The following HEMK1 variants were observed in gnomAD, a reference collection of about 807,000 sequenced individuals.
The protein encoded by HEMK1 is MTRF1L release factor glutamine methyltransferase.
In HEMK1, 36 loss-of-function variants were observed where a neutral mutation model predicts 47.9. That is an observed-to-expected ratio of 0.75 (90% confidence interval 0.58 to 0.99). The LOEUF (loss-of-function observed/expected upper bound fraction) is 0.99. Among genes scored for constraint, HEMK1 ranks in the 50% least tolerant of loss-of-function variants. The pLI is 0.00. For synonymous variants in HEMK1, 153 were observed against 165.4 expected (o/e 0.93, Z 0.57); for missense variants, 383 against 434.5 (o/e 0.88, Z 1.05).
chr3:50,584,687 T>C lies in HEMK1; in HGVS notation c.*4270T>C, dbSNP rs1270815360. The C allele has an allele frequency of 6.6e-6, 1 of 152,222 alleles. No homozygotes were observed. The highest frequency in any genetic ancestry group is 2.4e-5 in the African/African-American group (1 of 41,464). 9.4% of individuals were successfully genotyped at this position (152,222 alleles called of 1,614,324 possible). ...GCCAATACCTTGATTTTAAGCCCTGTGAAACTGATTTCAGATTGCTGACCT... is the reference window on the plus strand; with the variant it reads ...GCCAATACCTTGATTTTAAGCCCTGCGAAACTGATTTCAGATTGCTGACCT... On this transcript the variant is annotated 3_prime_UTR_variant, in exon 11 of 11. Transcript: ENST00000232854.
rs1399253462 is a variant in HEMK1 at position 50,587,750 on chromosome 3, A to G, written c.*7333A>G. The G allele has an allele frequency of 2.0e-5, 3 of 152,280 alleles. No homozygotes were observed. Among genetic ancestry groups the G allele is most frequent in the Non-Finnish European group, 4.4e-5 (3 of 68,082 alleles). The allele number at this position is 152,280 out of a possible 1,614,324, so 9.4% of individuals were successfully genotyped here. On this transcript the variant is annotated 3_prime_UTR_variant, in exon 11 of 11. Transcript: ENST00000232854. This position sits in a 1 kb window ranked among gnomAD's most constrained non-coding sequence, Gnocchi z 4.2. ...GCATTTCTGGGGACCAGGGGCCTAAAGAGCTTTTTGAGCTGAGTTACAGGG... is the reference window on the plus strand; with the variant it reads ...GCATTTCTGGGGACCAGGGGCCTAAGGAGCTTTTTGAGCTGAGTTACAGGG...
intron 4 of HEMK1, 129 bp from the exon 5 acceptor site, chr3:50,576,923 A>G (rs566577173): frequency 1.3e-5 from 14 of 1,119,488 alleles, no homozygotes; most frequent in South Asian, 9.7e-5. Context: ...CCCAGCTGAC[A>G]TGAAGGTCAG....
intron 4 of HEMK1, 122 bp downstream of exon 4, chr3:50,572,330 A>G: frequency 1.0e-6 from 1 of 959,512 alleles, no homozygotes; most frequent in Non-Finnish European, 1.6e-6. Flanking sequence ...GTGCCTTTCT[A>G]GACATGTATT....
chr3:50,574,650 C>T (rs1240457861), intron 4 of HEMK1, among the ~76,000 whole-genome samples: 1 of 152,218 alleles, frequency 6.6e-6, no homozygotes, highest in Non-Finnish European at 1.5e-5. Context: ...GGCCTCACCA[C>T]TGAGACCACA....
intron 4 of HEMK1, among the ~76,000 whole-genome samples, chr3:50,572,946 G>A (rs767204186): frequency 2.6e-5 from 4 of 152,198 alleles, no homozygotes; most frequent in African/African-American, 4.8e-5. Flanking sequence ...GCCAGAGGGC[G>A]CCAGGTTCTG....
rs1296925264 is a variant in HEMK1 at position 50,591,005 on chromosome 3, C to T, written c.*10588C>T. 6.6e-6 allele frequency: 1 copy of T among 152,308 alleles called. No homozygotes were observed. Among genetic ancestry groups the T allele is most frequent in the African/African-American group, 2.4e-5 (1 of 41,456 alleles). The allele number at this position is 152,308 out of a possible 1,614,324, so 9.4% of individuals were successfully genotyped here. A position where few individuals can be genotyped will look rare whatever the true frequency, so the allele number is the denominator to read the frequency against. ...CAGTATCACCCCTCCTTTCTGTCTT[C>T]CTTCCGCTTAGTCACAGCCAAGAGC... On this transcript the variant is annotated 3_prime_UTR_variant, in exon 11 of 11. Transcript: ENST00000232854.
intron 2 of HEMK1, 95 bp downstream of exon 2, chr3:50,571,427 T>A: frequency 1.1e-6 from 1 of 929,572 alleles, no homozygotes; most frequent in Non-Finnish European, 1.6e-6. Context: ...AGTGCTTAGC[T>A]GAGACTGATG....
rs1559465380 is a variant in HEMK1 at position 50,581,928 on chromosome 3, G to C, written c.*1511G>C. 1 of 152,406 alleles carries C rather than the reference G, an allele frequency of 6.6e-6. No homozygotes were observed. Among genetic ancestry groups the C allele is most frequent in the Non-Finnish European group, 1.5e-5 (1 of 68,214 alleles). The allele number at this position is 152,406 out of a possible 1,614,324, so 9.4% of individuals were successfully genotyped here. On this transcript the variant is annotated 3_prime_UTR_variant, in exon 11 of 11. Coordinates refer to ENST00000232854, the MANE Select transcript of HEMK1 (RefSeq NM_016173.5). Reference sequence around the variant, plus strand: ...AAGGAGGCTGCTCCAGAAGGAACCTGGGTGGGGAGGGCGAAGGGGGTGCAC... The same window carrying C: ...AAGGAGGCTGCTCCAGAAGGAACCTCGGTGGGGAGGGCGAAGGGGGTGCAC...
Position 50,586,400 on chromosome 3 carries a change from T to G in HEMK1, c.*5983T>G, listed in dbSNP as rs1251192000. On this transcript the variant is annotated 3_prime_UTR_variant, in exon 11 of 11. Transcript: ENST00000232854. ...TGGAAAGCCCTGAACTGGGCTGACC[T>G]CCACCTGCCCCAGCTATGCCTAAAG... 1 of 152,214 alleles carries G rather than the reference T, an allele frequency of 6.6e-6. No individual in the cohort carries two copies. Among genetic ancestry groups the G allele is most frequent in the Non-Finnish European group, 1.5e-5 (1 of 68,038 alleles). 9.4% of individuals were successfully genotyped at this position (152,214 alleles called of 1,614,324 possible).
In HEMK1 at chr3:50,571,282, G is replaced by A; in HGVS notation, c.178G>A (p.Ala60Thr). 1.9e-6 allele frequency: 3 copies of A among 1,612,508 alleles called. No individual in the cohort carries two copies. The highest frequency in any genetic ancestry group is 2.5e-6 in the Non-Finnish European group (3 of 1,179,138). ...GVFEKRGIPE[A>T]RESSEYIVAH... Reference sequence around the variant, plus strand: ...CTTTGAGAAGAGGGGTATCCCTGAGGCCCGGGAATCCAGTGAGTACATCGT... The same window carrying A: ...CTTTGAGAAGAGGGGTATCCCTGAGACCCGGGAATCCAGTGAGTACATCGT... Residue 60 changes from alanine (A) to threonine (T), a missense_variant, in exon 2 of 11, where the codon GCC becomes ACC. Physicochemically the swap from Ala to Thr is moderately conservative, Grantham distance 58. Coordinates refer to ENST00000232854, the MANE Select transcript of HEMK1 (RefSeq NM_016173.5).
In HEMK1 at chr3:50,595,825, T is replaced by C. The variant is rs2031946712; in HGVS notation, c.*15408T>C. ...TATAGGCATCGATGTATTTCTGGGG[T>C]GACTCTCTTTCCTCCAGACCTCTCC... On this transcript the variant is annotated 3_prime_UTR_variant, in exon 11 of 11. Coordinates refer to ENST00000232854, the MANE Select transcript of HEMK1 (RefSeq NM_016173.5). 1 of 152,186 alleles carries C rather than the reference T, an allele frequency of 6.6e-6. No homozygotes were observed. The highest frequency in any genetic ancestry group is 1.5e-5 in the Non-Finnish European group (1 of 68,042). The allele number at this position is 152,186 out of a possible 1,614,324, so 9.4% of individuals were successfully genotyped here.
At position 50,595,103 on chromosome 3, in the gene HEMK1, G is replaced by C. The variant is rs2031902728; in HGVS notation, c.*14686G>C. The C allele has an allele frequency of 6.6e-6, 1 of 152,184 alleles. No homozygotes were observed. Among genetic ancestry groups the C allele is most frequent in the Admixed American group, 6.6e-5 (1 of 15,262 alleles). The allele number at this position is 152,184 out of a possible 1,614,324, so 9.4% of individuals were successfully genotyped here. On this transcript the variant is annotated 3_prime_UTR_variant, in exon 11 of 11. Coordinates refer to ENST00000232854, the MANE Select transcript of HEMK1 (RefSeq NM_016173.5). ...GTAGAAACAGGGTTTCACCATGTTGGCCAGGATGGTCTCAATCTCTTGACC... is the reference window on the plus strand; with the variant it reads ...GTAGAAACAGGGTTTCACCATGTTGCCCAGGATGGTCTCAATCTCTTGACC...
chr3:50,571,592 A>G lies in HEMK1; in HGVS notation c.229-118A>G, dbSNP rs536606984. The G allele has an allele frequency of 1.0e-4, 98 of 961,986 alleles. No homozygotes were observed. In the African/African-American group the frequency reaches 1.5e-3, roughly 15 times the overall value. The allele number at this position is 961,986 out of a possible 1,614,324, so 59.6% of individuals were successfully genotyped here. On this transcript the variant is annotated intron_variant, in intron 2 of 10. Transcript: ENST00000232854. Reference sequence around the variant, plus strand: ...GCAGGATGCTGCCCCCTCTGGGCCCAGATGATGAGAGGGTTGGGCCTCCAG... The same window carrying G: ...GCAGGATGCTGCCCCCTCTGGGCCCGGATGATGAGAGGGTTGGGCCTCCAG...
At chr3:50,577,471 A>AT in intron 5 of HEMK1, 38 bp from the exon 6 acceptor site, 1 of 1,600,728 alleles carries the variant, frequency 6.2e-7, no homozygotes, top group Non-Finnish European at 8.6e-7. Context: ...ATCTCTCAGC[A>AT]TTGCCTTCCA....
intron 8 of HEMK1, among the ~76,000 whole-genome samples, chr3:50,579,558 G>C (rs965999525): frequency 6.6e-6 from 1 of 152,158 alleles, no homozygotes; most frequent in Admixed American, 6.5e-5. Flanking sequence ...AGCAGCCTGT[G>C]GGGAGACACT....
rs1349184290 is a variant in HEMK1 at position 50,593,733 on chromosome 3, CT to C, written c.*13320del. ...AAAATAATGACAATGACAAATTTGT[CT>C]TTTCCTTTCTTTCTTTTTTTTTTTT... On this transcript the variant is annotated 3_prime_UTR_variant, in exon 11 of 11. Transcript: ENST00000232854. 7.5e-6 allele frequency: 1 copy of C among 133,920 alleles called. No individual in the cohort carries two copies. Among genetic ancestry groups the C allele is most frequent in the African/African-American group, 2.7e-5 (1 of 36,598 alleles). 8.3% of individuals were successfully genotyped at this position (133,920 alleles called of 1,614,324 possible).
rs2031822458 is a variant in HEMK1 at position 50,593,452 on chromosome 3, A to G, written c.*13035A>G. On this transcript the variant is annotated 3_prime_UTR_variant, in exon 11 of 11. Coordinates refer to ENST00000232854, the MANE Select transcript of HEMK1 (RefSeq NM_016173.5). ...GGTGGCTTTCAGCTCCCCCCTTCTC[A>G]TTTTTTCTTACTGTGGCTGCACCAG... is the stretch of plus-strand genomic sequence containing the variant. The G allele has an allele frequency of 6.6e-6, 1 of 151,864 alleles. No individual in the cohort carries two copies. Among genetic ancestry groups the G allele is most frequent in the Non-Finnish European group, 1.5e-5 (1 of 67,998 alleles). 9.4% of individuals were successfully genotyped at this position (151,864 alleles called of 1,614,324 possible). A position where few individuals can be genotyped will look rare whatever the true frequency, so the allele number is the denominator to read the frequency against.
Position 50,593,251 on chromosome 3 carries a change from GAAAGAA to G in HEMK1, c.*12835_*12840del. On this transcript the variant is annotated 3_prime_UTR_variant, in exon 11 of 11. Coordinates refer to ENST00000232854, the MANE Select transcript of HEMK1 (RefSeq NM_016173.5). ...CTAATGCCCTTGGCTTTGCTATAGG[GAAAGAA>G]CACAGCCACTCCACACTCTGGGACA... 1 of 152,342 alleles carries G rather than the reference GAAAGAA, an allele frequency of 6.6e-6. No homozygotes were observed. Among genetic ancestry groups the G allele is most frequent in the East Asian group, 1.9e-4 (1 of 5,186 alleles). 9.4% of individuals were successfully genotyped at this position (152,342 alleles called of 1,614,324 possible).
chr3:50,590,184 CAAAA>C lies in HEMK1; in HGVS notation c.*9775_*9778del, dbSNP rs201445677. On this transcript the variant is annotated 3_prime_UTR_variant, in exon 11 of 11. Coordinates refer to ENST00000232854, the MANE Select transcript of HEMK1 (RefSeq NM_016173.5). ...TGGGCGACAGAGCTAGACTCCATCT[CAAAA>C]AAAAAAATTTAAAAATAATAATTTT... is the stretch of plus-strand genomic sequence containing the variant. The C allele has an allele frequency of 1.4e-5, 2 of 139,212 alleles. No homozygotes were observed. The highest frequency in any genetic ancestry group is 4.1e-4 in the East Asian group (2 of 4,902). 8.6% of individuals were successfully genotyped at this position (139,212 alleles called of 1,614,324 possible). A position where few individuals can be genotyped will look rare whatever the true frequency, so the allele number is the denominator to read the frequency against.
Sources: allele counts gnomAD v4.1 joint callset (sites outside exome capture counted in the v4.1 genomes callset), GRCh38; gene constraint gnomAD v4.1.1; non-coding constraint Gnocchi (gnomAD v3.1); transcripts MANE v1.5; gene names NCBI Gene and HGNC (gene_info 2026-07-23, HGNC 2026-07-21).